G2E3: variants seen among roughly 807,000 people sequenced by gnomAD.
G2E3 encodes the protein G2/M phase-specific E3 ubiquitin-protein ligase.
A neutral mutation model predicts 92.8 loss-of-function variants in G2E3; 35 were observed. The ratio of observed to expected loss-of-function variants is 0.38; its 90% confidence interval spans 0.29 to 0.50. The LOEUF is 0.50. Among genes scored for constraint, G2E3 ranks in the 20% least tolerant of loss-of-function variants. The pLI, the probability that G2E3 is intolerant of heterozygous loss-of-function variation, is 0.94. For synonymous variants in G2E3, 242 were observed against 272.4 expected (o/e 0.89, Z 1.10); for missense variants, 554 against 823.8 (o/e 0.67, Z 4.01).
chr14:30,616,139 T>G, intron 14 of G2E3, 139 bp from the exon 15 acceptor site: 1 of 631,926 alleles, frequency 1.6e-6, no homozygotes, highest in Non-Finnish European at 2.8e-6. Flanking sequence ...ACTTTGTGAT[T>G]TAGTTTGCCC....
Position 30,605,633 on chromosome 14 carries a change from G to C in G2E3, c.1139G>C (p.Arg380Thr). 6.2e-7 allele frequency: 1 copy of C among 1,606,646 alleles called. No individual in the cohort carries two copies. The highest frequency in any genetic ancestry group is 8.5e-7 in the Non-Finnish European group (1 of 1,174,016). The change falls in exon 11 of 15, where the codon AGA (arginine) becomes ACA (threonine). Residue 380 changes from arginine to threonine, a missense_variant. Physicochemically the swap from Arg to Thr is moderately conservative, Grantham distance 71. Transcript: ENST00000206595. ...TGGAATAGTGCCTTAGATGCATTCAGAAATCGAAACTTTAATCCTTCATAT... is the reference window on the plus strand; with the variant it reads ...TGGAATAGTGCCTTAGATGCATTCACAAATCGAAACTTTAATCCTTCATAT... ...NIWNSALDAF[R>T]NRNFNPSYAI...
At chr14:30,586,631 A>C (rs1358127583) in intron 2 of G2E3, 87 bp from the exon 3 acceptor site, 1 of 511,502 alleles carries the variant, frequency 2.0e-6, no homozygotes, top group African/African-American at 2.0e-5. Context: ...AGAATTTAAC[A>C]CAGAAATTTA....
In G2E3 at chr14:30,562,065, T is replaced by G. The variant is rs1879133172; in HGVS notation, c.-5+2793T>G. Among the ~76,000 whole-genome samples, 2 of 152,186 alleles carry G rather than the reference T, an allele frequency of 1.3e-5. 1 individual carries two copies. The highest frequency in any genetic ancestry group is 4.1e-4 in the South Asian group (2 of 4,828). On this transcript the variant is annotated intron_variant, in intron 1 of 14. Transcript: ENST00000206595. ...GCTTTATACATATTTTCTCACTTAATCCTCACAACCATTTTATTATCTCTA... is the reference window on the plus strand; with the variant it reads ...GCTTTATACATATTTTCTCACTTAAGCCTCACAACCATTTTATTATCTCTA...
At chr14:30,594,120 T>C (rs1226436062) in intron 6 of G2E3, among the ~76,000 whole-genome samples, 1 of 152,176 alleles carries the variant, frequency 6.6e-6, no homozygotes, top group Non-Finnish European at 1.5e-5. Flanking sequence ...ATATTGGTTC[T>C]TTGAGAGTCA....
intron 4 of G2E3, chr14:30,590,792 T>A (rs1159635224): frequency 2.2e-6 from 1 of 454,608 alleles, no homozygotes; most frequent in African/African-American, 2.0e-5. Flanking sequence ...ATTCCTAAAC[T>A]TCCTGGTGAT....
chr14:30,606,670 C>G (rs1396182926), intron 11 of G2E3, among the ~76,000 whole-genome samples: 5 of 152,086 alleles, frequency 3.3e-5, no homozygotes, highest in Non-Finnish European at 7.4e-5. Flanking sequence ...TAATTACTTA[C>G]TCTCTCTGGA....
intron 1 of G2E3, among the ~76,000 whole-genome samples, chr14:30,579,895 A>G (rs1357858101): frequency 6.6e-6 from 1 of 152,240 alleles, no homozygotes; most frequent in Non-Finnish European, 1.5e-5. Context: ...AATCTCATTA[A>G]CATTTCTAGT....
intron 1 of G2E3, chr14:30,560,701 A>G (rs1879043021): frequency 3.1e-6 from 2 of 653,920 alleles, no homozygotes; most frequent in African/African-American, 1.8e-5. Flanking sequence ...TCTTTCTTAA[A>G]TCAGTGAGTT....
intron 11 of G2E3, 50 bp from the exon 12 acceptor site, chr14:30,607,838 A>G: frequency 1.1e-6 from 1 of 937,198 alleles, no homozygotes; most frequent in South Asian, 1.7e-5. Context: ...AATGATGGTT[A>G]TCTTATAATA....
chr14:30,573,434 T>G (rs751525559), intron 1 of G2E3: 1 of 87,562 alleles, frequency 1.1e-5, no homozygotes, highest in Non-Finnish European at 2.3e-5. Context: ...TGTGTGTGCG[T>G]GTGTGTGTGT....
intron 1 of G2E3, among the ~76,000 whole-genome samples, chr14:30,577,128 G>C (rs950196447): frequency 6.6e-6 from 1 of 150,738 alleles, no homozygotes; most frequent in African/African-American, 2.4e-5. Flanking sequence ...GGGAGGCTGA[G>C]GCAGGAGAAT....
intron 1 of G2E3, among the ~76,000 whole-genome samples, chr14:30,577,355 C>T (rs1002414550): frequency 4.6e-5 from 7 of 151,574 alleles, no homozygotes; most frequent in African/African-American, 1.5e-4. Flanking sequence ...TATCTGTTGT[C>T]GTGTAACAGA....
intron 1 of G2E3, among the ~76,000 whole-genome samples, chr14:30,572,626 C>T (rs1879833357): frequency 6.6e-6 from 1 of 152,078 alleles, no homozygotes; most frequent in Non-Finnish European, 1.5e-5. Context: ...ATACTTTTTT[C>T]ACCCCTTATT....
intron 2 of G2E3, among the ~76,000 whole-genome samples, chr14:30,585,193 T>G (rs919966518): frequency 2.6e-5 from 4 of 152,188 alleles, no homozygotes; most frequent in African/African-American, 9.7e-5. Flanking sequence ...TATCATTTTT[T>G]TCTTTTGTTA....
chr14:30,604,032 G>T (rs1319369680), intron 10 of G2E3, among the ~76,000 whole-genome samples: 1 of 152,094 alleles, frequency 6.6e-6, no homozygotes, highest in Non-Finnish European at 1.5e-5. Context: ...AACACTTTTA[G>T]TATCAAAATA....
At chr14:30,604,904 A>T (rs541475716) in intron 10 of G2E3, among the ~76,000 whole-genome samples, 4 of 146,970 alleles carry the variant, frequency 2.7e-5, no homozygotes, top group Admixed American at 2.7e-4. Context: ...TCATTCATTC[A>T]TTCATTTATG....
At chr14:30,563,777 T>C (rs79081050) in intron 1 of G2E3, among the ~76,000 whole-genome samples, 5,137 of 150,774 alleles carry the variant, frequency 0.034, 117 homozygotes, top group Middle Eastern at 0.061. Context: ...CTGAATGCAA[T>C]GGTGGGATCT....
chr14:30,588,206 C>CT (rs959702527), intron 3 of G2E3, among the ~76,000 whole-genome samples: 1 of 146,388 alleles, frequency 6.8e-6, no homozygotes, highest in Non-Finnish European at 1.5e-5. Flanking sequence ...GTTTATTTTA[C>CT]TTTTTTTTCA....
At chr14:30,615,600 TG>T in intron 14 of G2E3, 61 bp downstream of exon 14, 1 of 1,077,604 alleles carries the variant, frequency 9.3e-7, no homozygotes, top group Non-Finnish European at 1.3e-6. Context: ...GCATATTTGT[TG>T]GGGGTTTTAT....
Sources: allele counts gnomAD v4.1 joint callset (sites outside exome capture counted in the v4.1 genomes callset), GRCh38; gene constraint gnomAD v4.1.1; transcripts MANE v1.5; gene names NCBI Gene and HGNC (gene_info 2026-07-23, HGNC 2026-07-21).